The following ZCCHC10 variants were observed in gnomAD, a reference collection of about 807,000 sequenced individuals.
ZCCHC10 encodes zinc finger CCHC-type containing 10.
A neutral mutation model predicts 19.5 loss-of-function variants in ZCCHC10; 16 were observed. The observed-to-expected ratio is 0.82, with a 90% CI of 0.56 to 1.25. The LOEUF (loss-of-function observed/expected upper bound fraction) is 1.25, where lower values mean the gene tolerates loss of function less well. Ranked by LOEUF, ZCCHC10 falls within the 50% of genes most tolerant of loss-of-function variation. The pLI is 0.00. For missense variants in ZCCHC10, 197 were observed against 201.0 expected (o/e 0.98, Z 0.12); for synonymous variants, 67 against 72.5 (o/e 0.92, Z 0.38).
Position 133,003,002 on chromosome 5 carries a change from G to A in ZCCHC10, c.270-2829C>T, listed in dbSNP as rs562581422. On this transcript the variant is annotated intron_variant, in intron 3 of 4. Transcript: ENST00000509437. The stretch of plus-strand genomic sequence containing the variant: ...CCCAAAGTGTTGGGATTACAGGTGT[G>A]AGCCACCACGCCCGGCCTTTTTTTA... 61 of 167,562 alleles carry A rather than the reference G, an allele frequency of 3.6e-4. 1 individual carries two copies. The highest frequency in any genetic ancestry group is 6.6e-4 in the Non-Finnish European group (52 of 78,212). The allele number at this position is 167,562 out of a possible 1,614,324, so 10.4% of individuals were successfully genotyped here.
intron 2 of ZCCHC10, among the ~76,000 whole-genome samples, chr5:133,016,385 A>C (rs545266831): frequency 3.2e-4 from 49 of 152,300 alleles, no homozygotes; most frequent in African/African-American, 1.2e-3. Flanking sequence ...CAGATTTTTA[A>C]AATTTTTCTC....
At position 133,026,477 on chromosome 5, in the gene ZCCHC10, C is replaced by G; in HGVS notation, c.41+20G>C. The G allele has an allele frequency of 6.2e-7, 1 of 1,613,006 alleles. No individual in the cohort carries two copies. Among genetic ancestry groups the G allele is most frequent in the Non-Finnish European group, 8.5e-7 (1 of 1,179,626 alleles). The stretch of plus-strand genomic sequence containing the variant: ...CCCGCTCCCAGCCCTCCAGTGGACC[C>G]GAACCGGATCCTTACTTACGCTTGT... On this transcript the variant is annotated intron_variant, in intron 1 of 4. Transcript: ENST00000509437.
intron 3 of ZCCHC10, among the ~76,000 whole-genome samples, chr5:133,004,085 G>A (rs944109150): frequency 2.0e-5 from 3 of 151,968 alleles, no homozygotes; most frequent in African/African-American, 7.3e-5. Context: ...ATGGTAGAAT[G>A]TGACCAGGTT....
At chr5:133,003,524 GA>G (rs545902761) in intron 3 of ZCCHC10, among the ~76,000 whole-genome samples, 1 of 151,524 alleles carries the variant, frequency 6.6e-6, no homozygotes, top group Admixed American at 6.6e-5. Context: ...ACTGAAAGTT[GA>G]AAAAAAACCC....
At chr5:133,007,034 A>G in intron 2 of ZCCHC10, 114 bp from the exon 3 acceptor site, 1 of 1,022,358 alleles carries the variant, frequency 9.8e-7, no homozygotes, top group East Asian at 2.8e-5. Flanking sequence ...GGTCCAATTC[A>G]TAAAAATCAA....
chr5:132,998,941 A>T (rs1012740142), intron 4 of ZCCHC10, 91 bp from the exon 5 acceptor site: 1 of 1,512,324 alleles, frequency 6.6e-7, no homozygotes, highest in Non-Finnish European at 8.9e-7. Context: ...TTCGAGACAG[A>T]GTCTTGCTCT....
At chr5:133,007,465 C>T (rs1275975039) in intron 2 of ZCCHC10, among the ~76,000 whole-genome samples, 1 of 151,984 alleles carries the variant, frequency 6.6e-6, no homozygotes, top group Non-Finnish European at 1.5e-5. Flanking sequence ...ATGGTATGAA[C>T]CCGGGAGGCA....
intron 2 of ZCCHC10, among the ~76,000 whole-genome samples, chr5:133,009,008 CT>C (rs796192745): frequency 3.1e-3 from 442 of 142,084 alleles, no homozygotes; most frequent in Middle Eastern, 3.6e-3. Context: ...GGGAGATTCT[CT>C]TTTTTTTTTT....
intron 1 of ZCCHC10, among the ~76,000 whole-genome samples, chr5:133,024,093 T>C (rs926651069): frequency 1.3e-5 from 2 of 152,224 alleles, no homozygotes; most frequent in African/African-American, 4.8e-5. Context: ...CTTTTACAAA[T>C]CATGTAACTC....
intron 2 of ZCCHC10, among the ~76,000 whole-genome samples, chr5:133,017,216 A>C (rs1763983381): frequency 6.6e-6 from 1 of 152,120 alleles, no homozygotes; most frequent in Non-Finnish European, 1.5e-5. Flanking sequence ...GCTCCTCTGT[A>C]GGTGCTCTCC....
intron 2 of ZCCHC10, among the ~76,000 whole-genome samples, chr5:133,014,961 T>A (rs1763821421): frequency 6.6e-6 from 1 of 152,220 alleles, no homozygotes; most frequent in African/African-American, 2.4e-5. Context: ...AGTGATGCTG[T>A]GTACTTCTCA....
chr5:133,026,427 A>C, intron 1 of ZCCHC10, 70 bp downstream of exon 1: 2 of 1,582,104 alleles, frequency 1.3e-6, no homozygotes, highest in Non-Finnish European at 1.7e-6. Flanking sequence ...TAGGGGTCCG[A>C]CACCAGCCCG....
intron 2 of ZCCHC10, among the ~76,000 whole-genome samples, chr5:133,007,189 T>C (rs1170898848): frequency 2.6e-5 from 4 of 152,082 alleles, no homozygotes; most frequent in African/African-American, 9.7e-5. Context: ...TAGGGGCAAG[T>C]CTTTCCTGTG....
intron 2 of ZCCHC10, among the ~76,000 whole-genome samples, chr5:133,012,056 AAACCTG>A (rs1251984240): frequency 1.4e-5 from 2 of 144,674 alleles, no homozygotes; most frequent in South Asian, 2.2e-4. Flanking sequence ...AGAATTGCTC[AAACCTG>A]GGAGGCAGAG....
intron 3 of ZCCHC10, among the ~76,000 whole-genome samples, chr5:133,006,184 C>T: frequency 6.8e-6 from 1 of 147,216 alleles, no homozygotes; most frequent in Non-Finnish European, 1.5e-5. Context: ...GGAATTTCAC[C>T]ATGTTGGCCA....
chr5:133,014,898 G>A (rs1464680721), intron 2 of ZCCHC10, among the ~76,000 whole-genome samples: 2 of 152,144 alleles, frequency 1.3e-5, no homozygotes, highest in Non-Finnish European at 2.9e-5. Context: ...CCATCTTAGA[G>A]GCTGGCTATC....
intron 2 of ZCCHC10, among the ~76,000 whole-genome samples, chr5:133,019,857 CA>C (rs1561555043): frequency 6.7e-6 from 1 of 149,440 alleles, no homozygotes; most frequent in Non-Finnish European, 1.5e-5. Flanking sequence ...GAGGCTGAGA[CA>C]GGAGAATTGC....
intron 2 of ZCCHC10, among the ~76,000 whole-genome samples, chr5:133,017,640 G>A (rs112256937): frequency 6.6e-6 from 1 of 152,162 alleles, no homozygotes; most frequent in African/African-American, 2.4e-5. Context: ...AAAGTGCTGG[G>A]ATTGTAGGCA....
chr5:133,021,230 C>T (rs1302442838), intron 2 of ZCCHC10, among the ~76,000 whole-genome samples: 1 of 151,490 alleles, frequency 6.6e-6, no homozygotes, highest in Non-Finnish European at 1.5e-5. Context: ...AGGGTTTCAC[C>T]GTGTTAGCCA....
Sources: allele counts gnomAD v4.1 joint callset (sites outside exome capture counted in the v4.1 genomes callset), GRCh38; gene constraint gnomAD v4.1.1; transcripts MANE v1.5; gene names NCBI Gene and HGNC (gene_info 2026-07-23, HGNC 2026-07-21).